Variants in CEP170B observed in about 807,000 individuals in gnomAD.
CEP170B encodes the protein centrosomal protein of 170 kDa protein B.
A neutral mutation model predicts 120.6 loss-of-function variants in CEP170B; 55 were observed. The observed-to-expected ratio is 0.46, with a 90% CI of 0.37 to 0.57. The LOEUF is 0.57. CEP170B is among the 20% of genes least tolerant of loss of function. The probability of loss-of-function intolerance (pLI) is 0.00; values close to 1 mark genes in which losing one functional copy is unlikely to be tolerated. For synonymous variants in CEP170B, 1,033 were observed against 954.5 expected (o/e 1.08, Z -1.52); for missense variants, 2,212 against 2,253.3 (o/e 0.98, Z 0.37).
rs770721996 is a variant in CEP170B, at chr14:104,882,852, T to G, written c.577+20T>G. 6.2e-7 allele frequency: 1 copy of G among 1,606,962 alleles called. No individual in the cohort carries two copies. The highest frequency in any genetic ancestry group is 1.3e-5 in the African/African-American group (1 of 74,766). ...ACCCAGGTTGGTCTTGGGGCCAGGCTGGTGAGACCCTGAGGGCTCCCAGAG... is the reference window on the plus strand; with the variant it reads ...ACCCAGGTTGGTCTTGGGGCCAGGCGGGTGAGACCCTGAGGGCTCCCAGAG... On this transcript the variant is annotated intron_variant, in intron 7 of 18. Transcript: ENST00000414716.
In CEP170B at chr14:104,876,357, A is replaced by G. The variant is rs1302331720; in HGVS notation, c.195+12A>G. Reference sequence around the variant, plus strand: ...GCAGCCTCAATGGGGTAAGTGTGAGAGGCCCTGGCCTGGCCTTTTAACAGC... The same window carrying G: ...GCAGCCTCAATGGGGTAAGTGTGAGGGGCCCTGGCCTGGCCTTTTAACAGC... On this transcript the variant is annotated intron_variant, in intron 3 of 18. Transcript: ENST00000414716. The G allele has an allele frequency of 6.4e-7, 1 of 1,550,468 alleles. No individual in the cohort carries two copies. The highest frequency in any genetic ancestry group is 8.7e-7 in the Non-Finnish European group (1 of 1,146,572).
At position 104,870,085 on chromosome 14, in the gene CEP170B, G is replaced by T. The variant is rs948379661; in HGVS notation, c.105+1530G>T. 4.9e-5 allele frequency among the ~76,000 whole-genome samples: 7 copies of T among 144,236 alleles called. No individual in the cohort carries two copies. Among genetic ancestry groups the T allele is most frequent in the Non-Finnish European group, 9.3e-5 (6 of 64,762 alleles). 94.6% of individuals were successfully genotyped at this position (144,236 alleles called of 152,430 possible). A position where few individuals can be genotyped will look rare whatever the true frequency, so the allele number is the denominator to read the frequency against. ...AGCGGGAGAGAGTCGGTGGCTGGGG[G>T]CAGGAGTCGGCAAATGTTTTCTACA... On this transcript the variant is annotated intron_variant, in intron 2 of 18. Transcript: ENST00000414716. This position sits in a 1 kb window ranked among gnomAD's most constrained non-coding sequence, Gnocchi z 4.1.
chr14:104,866,020 C>T (rs1165579260), intron 1 of CEP170B, among the ~76,000 whole-genome samples: 1 of 152,250 alleles, frequency 6.6e-6, no homozygotes, highest in East Asian at 1.9e-4. Flanking sequence ...CTGCCCTTCC[C>T]TGCCCTGGGC....
chr14:104,895,961 C>T lies in CEP170B; in HGVS notation c.*1003C>T, dbSNP rs1872937247. On this transcript the variant is annotated 3_prime_UTR_variant, in exon 19 of 19. Transcript: ENST00000414716. The stretch of plus-strand genomic sequence containing the variant: ...GGACGGGCCCAGGAACTGTTGTTTT[C>T]TCAGGATTCTTTCAGCTGGGAACAT... The T allele has an allele frequency of 6.5e-6, 1 of 153,696 alleles. No individual in the cohort carries two copies. The highest frequency in any genetic ancestry group is 2.0e-4 in the South Asian group (1 of 4,888). 9.5% of individuals were successfully genotyped at this position (153,696 alleles called of 1,614,324 possible). A position where few individuals can be genotyped will look rare whatever the true frequency, so the allele number is the denominator to read the frequency against.
chr14:104,880,688 C>A (rs116839519), intron 6 of CEP170B, among the ~76,000 whole-genome samples: 2 of 151,450 alleles, frequency 1.3e-5, no homozygotes, highest in Non-Finnish European at 2.9e-5. Context: ...CACACCTACC[C>A]ATGCATGCCT....
chr14:104,894,255 C>A lies in CEP170B; in HGVS notation c.4272-30C>A, dbSNP rs1180732155. 3.9e-6 allele frequency: 6 copies of A among 1,519,756 alleles called. No homozygotes were observed. The East Asian group carries it at 1.1e-4, about 28-fold the overall frequency. The allele number at this position is 1,519,756 out of a possible 1,614,324, so 94.1% of individuals were successfully genotyped here. On this transcript the variant is annotated intron_variant, in intron 16 of 18. Transcript: ENST00000414716. ...GCTCTGTCATCTCTGTCCTTGTCCCCCCATTTCTGCCTCCCCCTACCTCGG... is the reference window on the plus strand; with the variant it reads ...GCTCTGTCATCTCTGTCCTTGTCCCACCATTTCTGCCTCCCCCTACCTCGG...
intron 2 of CEP170B, 38 bp from the exon 3 acceptor site, chr14:104,876,218 C>G (rs933940688): frequency 1.1e-5 from 17 of 1,547,278 alleles, no homozygotes; most frequent in Non-Finnish European, 1.3e-5. Context: ...TCACCTCCTC[C>G]CCTGGAGCAC....
At chr14:104,884,659 G>T (rs1338384994) in intron 9 of CEP170B, 110 bp downstream of exon 9, 4 of 882,980 alleles carry the variant, frequency 4.5e-6, no homozygotes, top group Non-Finnish European at 6.5e-6. Flanking sequence ...AGGCGATGCC[G>T]GGGGTGGCGA....
rs987286710 is a variant in CEP170B at position 104,891,803 on chromosome 14, G to C, written c.3879-1173G>C. 4.6e-5 allele frequency among the ~76,000 whole-genome samples: 7 copies of C among 152,114 alleles called. No homozygotes were observed. Among genetic ancestry groups the C allele is most frequent in the Non-Finnish European group, 1.0e-4 (7 of 68,006 alleles). ...GGAGGCCAGGGAGTGCTGGGCGGGGGCCTGAGGGCCAGGGGCATGTGCCAG... is the reference window on the plus strand; with the variant it reads ...GGAGGCCAGGGAGTGCTGGGCGGGGCCCTGAGGGCCAGGGGCATGTGCCAG... On this transcript the variant is annotated intron_variant, in intron 13 of 18. Coordinates refer to ENST00000414716, the MANE Select transcript of CEP170B (RefSeq NM_001112726.3). The surrounding 1 kb of genome is among the most constrained non-coding windows in gnomAD (Gnocchi z 4.3).
intron 12 of CEP170B, among the ~76,000 whole-genome samples, chr14:104,889,294 C>T (rs552329695): frequency 1.3e-5 from 2 of 152,144 alleles, no homozygotes; most frequent in East Asian, 3.9e-4. Context: ...AGCACCAGGC[C>T]GCCTTCCCCG....
chr14:104,887,621 C>A lies in CEP170B; in HGVS notation c.3382C>A (p.Arg1128=). ...CCCCACACGGGCCTCCCGGCTGAGG[C>A]GGGCCCGGCTGGGGGACGCTTCAGA... is the stretch of plus-strand genomic sequence containing the variant. The part of the protein sequence containing the change: ...PRPTRASRLR[R]ARLGDASDTE... Residue 1128 remains arginine (R), a synonymous_variant, in exon 12 of 19, where the codon CGG becomes AGG. Transcript: ENST00000414716. 6.4e-7 allele frequency: 1 copy of A among 1,571,734 alleles called. No homozygotes were observed.
In CEP170B at chr14:104,894,347, A is replaced by G. The variant is rs201150739; in HGVS notation, c.4334A>G (p.Asn1445Ser). ...CTGGAAGCCAGGATCAACGCCGAGA[A>G]CGAGGTGCCCATCCTGAAGACATCT... is the stretch of plus-strand genomic sequence containing the variant. Reference protein sequence around the residue: ...EDLEARINAENEVPILKTSNK... With the variant: ...EDLEARINAESEVPILKTSNK... The change falls in exon 17 of 19, where the codon AAC becomes AGC. Residue 1445 changes from asparagine (N) to serine (S), a missense_variant. Around this residue, in one of 2 missense-constraint regions of CEP170B, gnomAD observed 2,166 missense variants for 2,166.7 expected, o/e 1.00. Transcript: ENST00000414716. The G allele has an allele frequency of 1.9e-4, 302 of 1,613,548 alleles. 1 individual carries two copies. Among genetic ancestry groups the G allele is most frequent in the Non-Finnish European group, 2.5e-5 (30 of 1,179,848 alleles).
Position 104,894,739 on chromosome 14 carries a change from G to A in CEP170B, c.4446G>A (p.Gly1482=), listed in dbSNP as rs1157773381. The A allele has an allele frequency of 5.0e-6, 8 of 1,591,988 alleles. No individual in the cohort carries two copies. The highest frequency in any genetic ancestry group is 6.8e-6 in the Non-Finnish European group (8 of 1,168,412). The part of the protein sequence containing the change: ...EVINAIVDPS[G]SLDLLTGNRS... ...TCAATGCCATCGTGGACCCCAGTGG[G>A]AGCCTGGACCTGCTCACAGGAAACA... The change falls in exon 19 of 19, where the codon GGG becomes GGA. Residue 1482 remains glycine (G), a synonymous_variant. Coordinates refer to ENST00000414716, the MANE Select transcript of CEP170B (RefSeq NM_001112726.3).
chr14:104,889,381 G>A, intron 12 of CEP170B: 2 of 945,648 alleles, frequency 2.1e-6, no homozygotes, highest in South Asian at 3.9e-5. Flanking sequence ...AGGGCTACTG[G>A]GTGGGGGCAC....
At position 104,880,329 on chromosome 14, in the gene CEP170B, T is replaced by C. The variant is rs1355556346; in HGVS notation, c.376T>C (p.Leu126=). 2.1e-5 allele frequency: 34 copies of C among 1,610,490 alleles called. No individual in the cohort carries two copies. Among genetic ancestry groups the C allele is most frequent in the Non-Finnish European group, 2.8e-5 (33 of 1,178,784 alleles). ...TSQLQVSVKG[L]APKRSEALPE... ...CCAGCTGCAGGTGAGCGTGAAGGGT[T>C]TGGCGCCCAAGAGGAGCGAGGCACT... Residue 126 remains leucine, a synonymous_variant, in exon 6 of 19, where the codon TTG becomes CTG. Transcript: ENST00000414716.
chr14:104,889,411 C>A, intron 12 of CEP170B: 1 of 1,309,792 alleles, frequency 7.6e-7, no homozygotes, highest in Non-Finnish European at 1.0e-6. Flanking sequence ...CGCTGCCCAG[C>A]CCTGCAGCAC....
At position 104,887,004 on chromosome 14, in the gene CEP170B, C is replaced by T. The variant is rs1022812246; in HGVS notation, c.2765C>T (p.Ala922Val). ...LILKETETAL[A>V]ALEARLLSNS... is the part of the protein sequence containing the mutation. ...TTGAAGGAGACGGAGACGGCCCTGG[C>T]GGCCCTGGAGGCCCGACTCCTCTCT... is the stretch of plus-strand genomic sequence containing the variant. Residue 922 changes from alanine to valine, a missense_variant, in exon 12 of 19, where the codon GCG becomes GTG. This residue lies in a region of CEP170B where 2,166 missense variants were observed against 2,166.7 expected (regional missense o/e 1.00). Coordinates refer to ENST00000414716, the MANE Select transcript of CEP170B (RefSeq NM_001112726.3). 147 of 1,609,650 alleles carry T rather than the reference C, an allele frequency of 9.1e-5. No homozygotes were observed. Among genetic ancestry groups the T allele is most frequent in the Non-Finnish European group, 1.2e-4 (136 of 1,179,800 alleles).
At chr14:104,876,185 G>C in intron 2 of CEP170B, 71 bp from the exon 3 acceptor site, 5 of 1,410,946 alleles carry the variant, frequency 3.5e-6, no homozygotes, top group Non-Finnish European at 4.9e-6. Flanking sequence ...GGATGGAGCA[G>C]GGGTGCCTCT....
chr14:104,882,377 G>T (rs1260896786), intron 6 of CEP170B, among the ~76,000 whole-genome samples: 1 of 152,146 alleles, frequency 6.6e-6, no homozygotes, highest in African/African-American at 2.4e-5. Context: ...CCGGGGCAGG[G>T]TTGCAGGACG....
Sources: allele counts gnomAD v4.1 joint callset (sites outside exome capture counted in the v4.1 genomes callset), GRCh38; gene constraint gnomAD v4.1.1; regional missense constraint gnomAD v4.1.1; non-coding constraint Gnocchi (gnomAD v3.1); transcripts MANE v1.5; gene names NCBI Gene and HGNC (gene_info 2026-07-23, HGNC 2026-07-21).